The following DENND2D variants were observed in gnomAD, a reference collection of about 807,000 sequenced individuals.
The protein encoded by DENND2D is DENN domain containing 2D.
DENND2D carries 37 observed loss-of-function variants against 59.8 expected under a neutral mutation model. That is an observed-to-expected ratio of 0.62 (90% CI 0.48 to 0.81). The LOEUF is 0.81. Among genes scored for constraint, DENND2D ranks in the 40% least tolerant of loss-of-function variants. DENND2D has a pLI of 0.00. For synonymous variants in DENND2D, 219 were observed against 211.3 expected, an observed-to-expected ratio of 1.04 and a Z score of -0.31; for missense variants, 525 against 579.7, an observed-to-expected ratio of 0.91 and a Z score of 0.97.
In DENND2D at chr1:111,197,883, C is replaced by T; in HGVS notation, c.426+37G>A. ...AAGCCCAGCCGTGGAGCTGAGCAGA[C>T]TGCAGAAAGGAAGGGGCAGTTCTGA... On this transcript the variant is annotated intron_variant, in intron 4 of 11. Transcript: ENST00000357640. The T allele has an allele frequency of 1.9e-6, 3 of 1,612,912 alleles. No homozygotes were observed. The South Asian group carries it at 3.3e-5, about 18-fold the overall frequency.
At position 111,197,931 on chromosome 1, in the gene DENND2D, T is replaced by C; in HGVS notation, c.415A>G (p.Arg139Gly). ...VDGSRKIGYC[R>G]RLLPAGPGPR... ...TGAGCTGCACAGACCAAGAGGCGCCTGCAGTATCCAATCTTTCTGCTCCCA... is the reference window on the plus strand; with the variant it reads ...TGAGCTGCACAGACCAAGAGGCGCCCGCAGTATCCAATCTTTCTGCTCCCA... The change falls in exon 4 of 12, where the codon AGG becomes GGG. Residue 139 changes from arginine (R) to glycine (G), a missense_variant. This residue lies in a region of DENND2D where 253 missense variants were observed against 246.4 expected (regional missense o/e 1.03). Coordinates refer to ENST00000357640, the MANE Select transcript of DENND2D (RefSeq NM_024901.5). 1 of 1,613,978 alleles carries C rather than the reference T, an allele frequency of 6.2e-7. No individual in the cohort carries two copies. The highest frequency in any genetic ancestry group is 8.5e-7 in the Non-Finnish European group (1 of 1,180,016).
rs1657327721 is a variant in DENND2D at position 111,187,517 on chromosome 1, C to T, written c.*88G>A. ...AGAGTGAGGATATGGATTTTGGGAG[C>T]TGACAGTTTTGCTGATCCTGCCACA... is the stretch of plus-strand genomic sequence containing the variant. On this transcript the variant is annotated 3_prime_UTR_variant, in exon 12 of 12. Coordinates refer to ENST00000357640, the MANE Select transcript of DENND2D (RefSeq NM_024901.5). 9.2e-7 allele frequency: 1 copy of T among 1,081,870 alleles called. No homozygotes were observed. Among genetic ancestry groups the T allele is most frequent in the Non-Finnish European group, 1.4e-6 (1 of 709,130 alleles). The allele number at this position is 1,081,870 out of a possible 1,614,324, so 67.0% of individuals were successfully genotyped here. A position where few individuals can be genotyped will look rare whatever the true frequency, so the allele number is the denominator to read the frequency against.
chr1:111,198,110 AG>A (rs750958769), intron 3 of DENND2D, 121 bp from the exon 4 acceptor site: 2 of 889,140 alleles, frequency 2.2e-6, no homozygotes, highest in South Asian at 3.0e-5. Context: ...CACAGGAGTA[AG>A]GGCTCACTGG....
At chr1:111,191,996 T>C in intron 8 of DENND2D, 144 bp downstream of exon 8, 1 of 806,640 alleles carries the variant, frequency 1.2e-6, no homozygotes, top group Non-Finnish European at 1.8e-6. Flanking sequence ...TGAACACTGT[T>C]ATCCCCATTT....
intron 1 of DENND2D, chr1:111,200,060 G>T: frequency 1.7e-6 from 1 of 587,396 alleles, no homozygotes; most frequent in Non-Finnish European, 3.0e-6. Flanking sequence ...TGCTGGAGAG[G>T]CCACATGGAG....
In DENND2D at chr1:111,192,166, C is replaced by T. The variant is rs1657838467; in HGVS notation, c.946G>A (p.Glu316Lys). Residue 316 changes from glutamate to lysine, a missense_variant, in exon 8 of 12, where the codon GAG (glutamate) becomes AAG (lysine). Glu to Lys is a moderately conservative substitution (Grantham distance 56). This residue lies in a region of DENND2D where 225 missense variants were observed against 252.4 expected (regional missense o/e 0.89). Transcript: ENST00000357640. Reference protein sequence around the residue: ...MVGVQMRFQQEVMDSPMEEVL... With the variant: ...MVGVQMRFQQKVMDSPMEEVL... ...TCTTCCATAGGGCTGTCCATGACCT[C>T]CTGCTGGAAGCGCATTTGTACTCCA... is the stretch of plus-strand genomic sequence containing the variant. 1 of 1,611,764 alleles carries T rather than the reference C, an allele frequency of 6.2e-7. No individual in the cohort carries two copies. Among genetic ancestry groups the T allele is most frequent in the Non-Finnish European group, 8.5e-7 (1 of 1,178,624 alleles).
chr1:111,190,932 A>T (rs1225675109), intron 8 of DENND2D, among the ~76,000 whole-genome samples: 1 of 152,078 alleles, frequency 6.6e-6, no homozygotes, highest in Admixed American at 6.5e-5. Context: ...TGTATAAATA[A>T]TTTGTTTTTC....
At chr1:111,189,897 G>T (rs1657574579) in intron 8 of DENND2D, among the ~76,000 whole-genome samples, 1 of 152,100 alleles carries the variant, frequency 6.6e-6, no homozygotes, top group African/African-American at 2.4e-5. Flanking sequence ...TCTCGTGGTG[G>T]CTCACGCCTG....
chr1:111,204,328 C>G (rs1376706588), upstream of DENND2D: 26 of 1,481,576 alleles, frequency 1.8e-5, no homozygotes, highest in Non-Finnish European at 2.1e-5. Context: ...CAGGCTGGCT[C>G]GAAGGCGGCG....
intron 2 of DENND2D, among the ~76,000 whole-genome samples, chr1:111,199,410 T>C (rs751359537): frequency 5.9e-5 from 9 of 152,128 alleles, no homozygotes; most frequent in Non-Finnish European, 2.9e-5. Flanking sequence ...CCTAGGTCAG[T>C]CCCTCACAAA....
intron 5 of DENND2D, 128 bp from the exon 6 acceptor site, chr1:111,196,184 A>G (rs1658211325): frequency 8.1e-7 from 1 of 1,228,504 alleles, no homozygotes; most frequent in Non-Finnish European, 1.1e-6. Context: ...TGTATCTTCT[A>G]GGGCCCTCCA....
At chr1:111,198,154 T>G (rs538616976) in intron 3 of DENND2D, among the ~76,000 whole-genome samples, 165 bp from the exon 4 acceptor site, 2 of 152,198 alleles carry the variant, frequency 1.3e-5, no homozygotes, top group African/African-American at 2.4e-5. Flanking sequence ...CTCATCTAAT[T>G]GTCAAAACAA....
In DENND2D at chr1:111,195,946, G is replaced by A; in HGVS notation, c.615C>T (p.Leu205=). ...TGCCTGAGTCGGGGATGAAGCTCTT[G>A]AGAGTGACAGTCTTCCCAGGAGCAG... is the stretch of plus-strand genomic sequence containing the variant. The part of the protein sequence containing the change: ...AFPAPGKTVT[L]KSFIPDSGTE... The change falls in exon 6 of 12, where the codon CTC becomes CTT. Residue 205 remains leucine (L), a synonymous_variant. Transcript: ENST00000357640. The A allele has an allele frequency of 6.2e-7, 1 of 1,614,042 alleles. No individual in the cohort carries two copies. Among genetic ancestry groups the A allele is most frequent in the Admixed American group, 1.7e-5 (1 of 60,022 alleles).
intron 8 of DENND2D, among the ~76,000 whole-genome samples, chr1:111,191,848 T>C (rs1657805472): frequency 6.6e-6 from 1 of 152,180 alleles, no homozygotes; most frequent in South Asian, 2.1e-4. Flanking sequence ...TGCTCACCCC[T>C]GAATAAGCTA....
At position 111,188,212 on chromosome 1, in the gene DENND2D, G is replaced by A. The variant is rs780286712; in HGVS notation, c.1258C>T (p.Arg420Ter). Residue 420 changes from arginine to a stop codon, truncating the protein, a stop_gained, in exon 11 of 12, where the codon CGA becomes TGA. Coordinates refer to ENST00000357640, the MANE Select transcript of DENND2D (RefSeq NM_024901.5). LOFTEE classifies it high-confidence loss of function. ...CKALTSKTNRRFVKKFVKTQL... is the reference protein window; with the variant it reads ...CKALTSKTNR Reference sequence around the variant, plus strand: ...GTCTTCACAAACTTCTTCACAAATCGGCGGTTGGTCTTGGAGGTCAGAGCC... The same window carrying A: ...GTCTTCACAAACTTCTTCACAAATCAGCGGTTGGTCTTGGAGGTCAGAGCC... 3 of 1,614,070 alleles carry A rather than the reference G, an allele frequency of 1.9e-6. No individual in the cohort carries two copies. Among genetic ancestry groups the A allele is most frequent in the Non-Finnish European group, 2.5e-6 (3 of 1,179,998 alleles).
At chr1:111,199,965 A>AG in intron 1 of DENND2D, 167 bp from the exon 2 acceptor site, 2 of 809,468 alleles carry the variant, frequency 2.5e-6, no homozygotes, top group Non-Finnish European at 3.8e-6. Flanking sequence ...CCAAATGGGC[A>AG]GTTTCCACAC....
chr1:111,202,319 T>G (rs567742798), upstream of DENND2D: 4 of 152,278 alleles, frequency 2.6e-5, no homozygotes, highest in Non-Finnish European at 5.9e-5. Flanking sequence ...GCCCAAGAAA[T>G]GCAGCAAAAG....
chr1:111,192,140 C>A lies in DENND2D; in HGVS notation c.972G>T (p.Glu324Asp). 2.5e-6 allele frequency: 4 copies of A among 1,593,920 alleles called. No individual in the cohort carries two copies. The African/African-American group carries it at 4.0e-5, about 16-fold the overall frequency. Residue 324 changes from glutamate (E) to aspartate (D), a missense_variant and splice_region_variant, in exon 8 of 12, where the codon GAG becomes GAT. Glu to Asp is a conservative substitution (Grantham distance 45). Around this residue, in one of 3 missense-constraint regions of DENND2D, gnomAD observed 225 missense variants for 252.4 expected, o/e 0.89. Transcript: ENST00000357640. The stretch of plus-strand genomic sequence containing the variant: ...ATGCACTCTTCTTGCCACATCATAC[C>A]TCTTCCATAGGGCTGTCCATGACCT... Reference protein sequence around the residue: ...QQEVMDSPMEEVLLVNLCEGT... With the variant: ...QQEVMDSPMEDVLLVNLCEGT...
In DENND2D at chr1:111,198,873, G is replaced by A. The variant is rs191564309; in HGVS notation, c.244-131C>T. On this transcript the variant is annotated intron_variant, in intron 2 of 11. Coordinates refer to ENST00000357640, the MANE Select transcript of DENND2D (RefSeq NM_024901.5). ...GGTTAAGCTTCTCCACTAGCATAGG[G>A]GCGAAGGGTGCCTTTGCCCATGACT... The A allele has an allele frequency of 3.2e-4, 266 of 835,504 alleles. 2 individuals carry two copies. The highest frequency in any genetic ancestry group is 3.4e-4 in the Middle Eastern group (1 of 2,958). The allele number at this position is 835,504 out of a possible 1,614,324, so 51.8% of individuals were successfully genotyped here.
Sources: allele counts gnomAD v4.1 joint callset (sites outside exome capture counted in the v4.1 genomes callset), GRCh38; gene constraint gnomAD v4.1.1; regional missense constraint gnomAD v4.1.1; transcripts MANE v1.5; gene names NCBI Gene and HGNC (gene_info 2026-07-23, HGNC 2026-07-21).